Variants in UBAP2 observed in about 807,000 individuals in gnomAD.
The protein encoded by UBAP2 is ubiquitin associated protein 2, also known as ubiquitin-associated protein 2.
A neutral mutation model predicts 139.6 loss-of-function variants in UBAP2; 75 were observed. The ratio of observed to expected loss-of-function variants is 0.54; its 90% CI spans 0.45 to 0.65. The LOEUF (loss-of-function observed/expected upper bound fraction) is 0.65, where lower values mean the gene tolerates loss of function less well. UBAP2 is among the 30% of genes least tolerant of loss of function. UBAP2 has a pLI of 0.00. For synonymous variants in UBAP2, 526 were observed against 526.2 expected, an observed-to-expected ratio of 1.00 and a Z score of 0.01; for missense variants, 1,368 against 1,369.6, an observed-to-expected ratio of 1.00 and a Z score of 0.02.
At chr9:33,967,527 ATTAT>A (rs2131036634) in intron 8 of UBAP2, among the ~76,000 whole-genome samples, 1 of 152,292 alleles carries the variant, frequency 6.6e-6, no homozygotes, top group African/African-American at 2.4e-5. Flanking sequence ...AATTAGAAAA[ATTAT>A]TTATTTCTGC....
At chr9:33,948,621 C>T (rs1381300345) in intron 12 of UBAP2, 34 bp from the exon 13 acceptor site, 1 of 1,586,288 alleles carries the variant, frequency 6.3e-7, no homozygotes, top group Non-Finnish European at 8.6e-7. Flanking sequence ...AAATCCTCAA[C>T]AATACAGAAT....
intron 12 of UBAP2, among the ~76,000 whole-genome samples, chr9:33,949,396 A>C (rs1200130200): frequency 6.6e-6 from 1 of 151,996 alleles, no homozygotes; most frequent in Non-Finnish European, 1.5e-5. Context: ...GTGTGAGATG[A>C]CCCTGCAAGA....
intron 3 of UBAP2, 159 bp downstream of exon 3, chr9:33,998,628 G>A: frequency 3.5e-6 from 2 of 576,352 alleles, no homozygotes; most frequent in Non-Finnish European, 6.0e-6. Flanking sequence ...CACCAATAAA[G>A]GTATTTTTAA....
intron 2 of UBAP2, among the ~76,000 whole-genome samples, chr9:34,012,012 G>A (rs904063585): frequency 6.6e-6 from 1 of 151,828 alleles, no homozygotes; most frequent in Non-Finnish European, 1.5e-5. Flanking sequence ...AGTCTACTAA[G>A]CCTGTACTCA....
At chr9:33,982,660 C>T (rs1820865531) in intron 6 of UBAP2, among the ~76,000 whole-genome samples, 1 of 152,106 alleles carries the variant, frequency 6.6e-6, no homozygotes, top group African/African-American at 2.4e-5. Context: ...AAATAAAACA[C>T]CATACCCCCT....
chr9:33,986,791 A>C lies in UBAP2; in HGVS notation c.489T>G (p.Pro163=). The C allele has an allele frequency of 6.2e-7, 1 of 1,614,084 alleles. No homozygotes were observed. Among genetic ancestry groups the C allele is most frequent in the South Asian group, 1.1e-5 (1 of 91,078 alleles). Residue 163 remains proline (P), a synonymous_variant, in exon 6 of 29, where the codon CCT becomes CCG. Coordinates refer to ENST00000379238, the MANE Select transcript of UBAP2 (RefSeq NM_001370062.2). ...CCCGGGCTCGCTTGCCACGATCTGAAGGTTTGTCCACTTGATTGCAATCAA... is the reference window on the plus strand; with the variant it reads ...CCCGGGCTCGCTTGCCACGATCTGACGGTTTGTCCACTTGATTGCAATCAA... The part of the protein sequence containing the change: ...NGIDCNQVDK[P]SDRGKRARGR...
intron 12 of UBAP2, among the ~76,000 whole-genome samples, chr9:33,949,117 A>C (rs954940534): frequency 2.0e-5 from 3 of 151,988 alleles, no homozygotes; most frequent in Non-Finnish European, 2.9e-5. Flanking sequence ...TAGTGAGCAG[A>C]GATCACGCCA....
At chr9:33,975,801 CAAAAAAAAAA>C (rs556958048) in intron 6 of UBAP2, among the ~76,000 whole-genome samples, 1 of 72,334 alleles carries the variant, frequency 1.4e-5, no homozygotes, top group African/African-American at 6.0e-5. Flanking sequence ...GACTCCGTCT[CAAAAAAAAAA>C]AAAAAAAAGT....
intron 1 of UBAP2, among the ~76,000 whole-genome samples, chr9:34,026,686 A>G (rs774122434): frequency 2.0e-5 from 3 of 152,208 alleles, no homozygotes; most frequent in Admixed American, 6.6e-5. Flanking sequence ...TTATATGTAC[A>G]GTATTAAGTC....
intron 1 of UBAP2, among the ~76,000 whole-genome samples, chr9:34,021,938 T>C (rs1048932747): frequency 1.3e-5 from 2 of 152,072 alleles, no homozygotes; most frequent in African/African-American, 4.8e-5. Flanking sequence ...CCGGCCCCAT[T>C]GGATTATTTT....
chr9:33,927,107 G>C (rs1165765863), intron 20 of UBAP2, 27 bp from the exon 21 acceptor site: 1 of 1,563,702 alleles, frequency 6.4e-7, no homozygotes. Flanking sequence ...ATCAAATGGA[G>C]TGAAATGGTC....
In UBAP2 at chr9:33,923,195, G is replaced by A. The variant is rs1242941677; in HGVS notation, c.2995C>T (p.Pro999Ser). 6 of 1,614,046 alleles carry A rather than the reference G, an allele frequency of 3.7e-6. No homozygotes were observed. In the African/African-American group the frequency reaches 5.3e-5, roughly 14 times the overall value. The change falls in exon 26 of 29, where the codon CCT becomes TCT. Residue 999 changes from proline (P) to serine (S), a missense_variant. Pro to Ser is a moderately conservative substitution (Grantham distance 74). Transcript: ENST00000379238. The stretch of plus-strand genomic sequence containing the variant: ...GAGAGGTAAACACTACCTTTGCCAG[G>A]CCCAGAACCTGCAGACTTGTTTGGT... ...QAPNKSAGSG[P>S]GKGVSVSSST...
chr9:33,940,991 T>C (rs1017021560), intron 16 of UBAP2, among the ~76,000 whole-genome samples: 2 of 152,210 alleles, frequency 1.3e-5, no homozygotes, highest in African/African-American at 4.8e-5. Flanking sequence ...GTGTCATCCA[T>C]ATTATTTTAA....
intron 12 of UBAP2, 141 bp from the exon 13 acceptor site, chr9:33,948,728 T>C (rs1587545173): frequency 4.8e-6 from 3 of 627,122 alleles, no homozygotes; most frequent in Non-Finnish European, 7.9e-6. Flanking sequence ...ACTTAGAAAA[T>C]ACTACATGAA....
intron 2 of UBAP2, among the ~76,000 whole-genome samples, chr9:34,014,921 T>C (rs1824116911): frequency 6.6e-6 from 1 of 152,178 alleles, no homozygotes. Flanking sequence ...AGTAAGTGTA[T>C]TTAGGATCAA....
chr9:34,046,233 C>T (rs1027740981), intron 1 of UBAP2, among the ~76,000 whole-genome samples: 1 of 151,110 alleles, frequency 6.6e-6, no homozygotes, highest in African/African-American at 2.4e-5. Flanking sequence ...TATACTTAAC[C>T]ACCCCCACCC....
chr9:33,985,585 C>T (rs1297873938), intron 6 of UBAP2, among the ~76,000 whole-genome samples: 5 of 152,134 alleles, frequency 3.3e-5, no homozygotes, highest in African/African-American at 1.2e-4. Flanking sequence ...AAATATCACA[C>T]GTACTCACTC....
intron 12 of UBAP2, 126 bp from the exon 13 acceptor site, chr9:33,948,713 A>C: frequency 1.4e-6 from 1 of 702,420 alleles, no homozygotes. Flanking sequence ...AATTACTAAA[A>C]TATAACTTAG....
chr9:34,019,811 CAA>C (rs1312354040), intron 1 of UBAP2, among the ~76,000 whole-genome samples: 6 of 150,416 alleles, frequency 4.0e-5, no homozygotes, highest in Admixed American at 1.3e-4. Flanking sequence ...CAATCAGAAA[CAA>C]ACTGTTTATG....
Sources: gnomAD v4.1 joint callset for allele counts (sites outside exome capture counted in the v4.1 genomes callset) on GRCh38, gnomAD v4.1.1 for gene constraint, MANE v1.5 for transcripts, NCBI Gene and HGNC (gene_info 2026-07-23, HGNC 2026-07-21) for gene names.